Variants in COBL observed in about 807,000 individuals in gnomAD.
The protein encoded by COBL is cordon-bleu WH2 repeat protein.
In COBL, 51 loss-of-function variants were observed where a neutral mutation model predicts 98.8. The observed-to-expected ratio is 0.52, with a 90% CI of 0.41 to 0.65. The LOEUF is 0.65. COBL is among the 30% of genes least tolerant of loss of function. COBL has a pLI of 0.00. For missense variants in COBL, 1,617 were observed against 1,617.5 expected (o/e 1.00, Z 0.01); for synonymous variants, 634 against 651.7 (o/e 0.97, Z 0.41).
intron 1 of COBL, among the ~76,000 whole-genome samples, chr7:51,249,513 T>C (rs1366340033): frequency 6.6e-6 from 1 of 152,208 alleles, no homozygotes; most frequent in East Asian, 1.9e-4. Context: ...AAGATTCCAA[T>C]GTCACTCCTT....
chr7:51,170,539 ATC>A (rs1787769277), intron 5 of COBL, among the ~76,000 whole-genome samples: 1 of 147,388 alleles, frequency 6.8e-6, no homozygotes, highest in African/African-American at 2.5e-5. Context: ...ATAAATATAT[ATC>A]ACATACATAT....
At chr7:51,257,177 T>A (rs1052512128) in intron 1 of COBL, among the ~76,000 whole-genome samples, 1 of 152,140 alleles carries the variant, frequency 6.6e-6, no homozygotes, top group Non-Finnish European at 1.5e-5. Flanking sequence ...AGAGAACCAG[T>A]GCCCTGCAGC....
intron 1 of COBL, among the ~76,000 whole-genome samples, chr7:51,246,251 AC>A (rs972286128): frequency 1.3e-5 from 2 of 152,212 alleles, no homozygotes; most frequent in African/African-American, 4.8e-5. Context: ...TATAATTTGG[AC>A]CAGGGAGACA....
At chr7:51,263,326 G>A (rs1414823998) in intron 1 of COBL, among the ~76,000 whole-genome samples, 1 of 152,200 alleles carries the variant, frequency 6.6e-6, no homozygotes, top group Admixed American at 6.5e-5. Flanking sequence ...GCACTCCCAC[G>A]TGTGAGAAGG....
chr7:51,306,095 C>T (rs1802448897), intron 1 of COBL, among the ~76,000 whole-genome samples: 1 of 151,942 alleles, frequency 6.6e-6, no homozygotes, highest in African/African-American at 2.4e-5. Flanking sequence ...CCTTGCTTCC[C>T]GAGTGTCTTG....
chr7:51,202,608 G>A (rs1584152895), intron 2 of COBL, among the ~76,000 whole-genome samples: 3 of 152,288 alleles, frequency 2.0e-5, no homozygotes, highest in Admixed American at 6.5e-5. Flanking sequence ...AGCAACCACT[G>A]AGTCAAAGGA....
chr7:51,311,252 G>A (rs1431242899), intron 1 of COBL, among the ~76,000 whole-genome samples: 2 of 152,156 alleles, frequency 1.3e-5, no homozygotes, highest in Non-Finnish European at 2.9e-5. Flanking sequence ...GGAGCAGCTC[G>A]CCACCTGATG....
At chr7:51,225,942 C>G (rs992830256) in intron 1 of COBL, among the ~76,000 whole-genome samples, 1 of 152,168 alleles carries the variant, frequency 6.6e-6, no homozygotes, top group African/African-American at 2.4e-5. Flanking sequence ...GCTGGTCAGG[C>G]TGAGGTAGAC....
intron 7 of COBL, among the ~76,000 whole-genome samples, chr7:51,082,615 C>T (rs186581656): frequency 9.2e-5 from 14 of 152,256 alleles, no homozygotes; most frequent in Admixed American, 2.0e-4. Flanking sequence ...TGGCCGCTGG[C>T]GACAGAGTTC....
rs141477199 is a variant in COBL, at chr7:51,234,762, C to G, written c.42-14818G>C. Among the ~76,000 whole-genome samples, 563 of 151,764 alleles carry G rather than the reference C, an allele frequency of 3.7e-3. 5 individuals are homozygous for G. The highest frequency in any genetic ancestry group is 9.0e-3 in the South Asian group (43 of 4,776). ...AGAAAAGAAAGTTCAGAACACAGAA[C>G]CCTGACTGAAGGGCCAGGGCTGGAC... On this transcript the variant is annotated intron_variant, in intron 1 of 12. Transcript: ENST00000265136.
intron 1 of COBL, among the ~76,000 whole-genome samples, chr7:51,294,610 T>G (rs952464461): frequency 7.7e-6 from 1 of 129,464 alleles, no homozygotes; most frequent in Non-Finnish European, 1.5e-5. Context: ...ACCATTGCAC[T>G]CCAGCTTGGG....
chr7:51,018,407 C>A (rs1372661136), intron 12 of COBL: 1 of 152,132 alleles, frequency 6.6e-6, no homozygotes, highest in African/African-American at 2.4e-5. Flanking sequence ...ATCGACACCA[C>A]CCGGGTCTGT....
chr7:51,290,101 G>GGGT (rs747208969), intron 1 of COBL, among the ~76,000 whole-genome samples: 6 of 152,194 alleles, frequency 3.9e-5, no homozygotes, highest in Non-Finnish European at 7.3e-5. Flanking sequence ...AGTAACCTTA[G>GGGT]GGTGGTCATA....
chr7:51,172,621 T>G lies in COBL; in HGVS notation c.783+11481A>C, dbSNP rs988894147. 173 of 927,082 alleles carry G rather than the reference T, an allele frequency of 1.9e-4. 2 individuals are homozygous for G. Among genetic ancestry groups the G allele is most frequent in the Middle Eastern group, 1.3e-3 (4 of 3,194 alleles). 57.4% of individuals were successfully genotyped at this position (927,082 alleles called of 1,614,324 possible). A position where few individuals can be genotyped will look rare whatever the true frequency, so the allele number is the denominator to read the frequency against. Reference sequence around the variant, plus strand: ...GCGATCATTAAGGCAAAAATGCCAGTGTGGCCACAAGGCAGCAAACCCTTC... The same window carrying G: ...GCGATCATTAAGGCAAAAATGCCAGGGTGGCCACAAGGCAGCAAACCCTTC... On this transcript the variant is annotated intron_variant, in intron 5 of 12. Transcript: ENST00000265136.
At chr7:51,301,668 G>C (rs755791879) in intron 1 of COBL, among the ~76,000 whole-genome samples, 1 of 152,192 alleles carries the variant, frequency 6.6e-6, no homozygotes, top group African/African-American at 2.4e-5. Flanking sequence ...AGCTCTTCCA[G>C]AGAAAATCCA....
At chr7:51,315,991 T>C (rs1411413738) in intron 1 of COBL, among the ~76,000 whole-genome samples, 3 of 151,996 alleles carry the variant, frequency 2.0e-5, no homozygotes, top group East Asian at 3.9e-4. Context: ...GGGGAGACCC[T>C]GGAATAAAGG....
In COBL at chr7:51,026,578, G is replaced by A. The variant is rs781148295; in HGVS notation, c.3472C>T (p.Arg1158Cys). 13 of 1,614,048 alleles carry A rather than the reference G, an allele frequency of 8.1e-6. No individual in the cohort carries two copies. Among genetic ancestry groups the A allele is most frequent in the African/African-American group, 4.0e-5 (3 of 74,952 alleles). The change falls in exon 11 of 13, where the codon CGC (arginine) becomes TGC (cysteine). Residue 1158 changes from arginine to cysteine, a missense_variant. This residue lies in a region of COBL where 1,304 missense variants were observed against 1,282.0 expected (regional missense o/e 1.02). Transcript: ENST00000265136. Reference sequence around the variant, plus strand: ...AGGCTGCAGGTGCCGCTGTGCCCGCGGATAGCTGCCAGCAGTGCAGATCGT... The same window carrying A: ...AGGCTGCAGGTGCCGCTGTGCCCGCAGATAGCTGCCAGCAGTGCAGATCGT... Reference protein sequence around the residue: ...GERSALLAAIRGHSGTCSLRK... With the variant: ...GERSALLAAICGHSGTCSLRK...
intron 1 of COBL, among the ~76,000 whole-genome samples, chr7:51,243,806 G>A (rs568602857): frequency 2.0e-5 from 3 of 151,790 alleles, no homozygotes; most frequent in South Asian, 2.1e-4. Context: ...GTGAAGGAGC[G>A]GTGCCGTGTC....
chr7:51,066,919 C>A (rs1791989815), intron 7 of COBL, among the ~76,000 whole-genome samples: 1 of 152,254 alleles, frequency 6.6e-6, no homozygotes, highest in African/African-American at 2.4e-5. Flanking sequence ...TCTGCCCTAT[C>A]TAACTATGGA....
Sources: gnomAD v4.1 joint callset for allele counts (sites outside exome capture counted in the v4.1 genomes callset) on GRCh38, gnomAD v4.1.1 for gene constraint, gnomAD v4.1.1 regional missense constraint, MANE v1.5 for transcripts, NCBI Gene and HGNC (gene_info 2026-07-23, HGNC 2026-07-21) for gene names.